ANTXRL: variants seen among roughly 807,000 people sequenced by gnomAD.
ANTXRL encodes the protein anthrax toxin receptor-like.
A neutral mutation model predicts 75.4 loss-of-function variants in ANTXRL; 63 were observed. The observed-to-expected ratio is 0.84, with a 90% CI of 0.68 to 1.03. The LOEUF is 1.03. ANTXRL is among the 50% of genes least tolerant of loss of function. ANTXRL has a pLI of 0.00. For synonymous variants in ANTXRL, 335 were observed against 291.3 expected, an observed-to-expected ratio of 1.15 and a Z score of -1.53; for missense variants, 797 against 789.4, an observed-to-expected ratio of 1.01 and a Z score of -0.12.
Position 46,329,711 on chromosome 10 carries a change from G to A in ANTXRL, c.1523G>A (p.Cys508Tyr), listed in dbSNP as rs1228513206. ...QECLSLPQAP[C>Y]SPRMCLRHSR... is the part of the protein sequence containing the mutation. ...TGCCTTTCCCTACCACAGGCTCCCT[G>A]CAGCCCAAGGATGTGCCTGAGACAC... The change falls in exon 17 of 17, where the codon TGC becomes TAC. Residue 508 changes from cysteine (C) to tyrosine (Y), a missense_variant. Cys to Tyr is a radical substitution (Grantham distance 194). Coordinates refer to ENST00000620264, the MANE Select transcript of ANTXRL (RefSeq NM_001278688.3). 97 of 1,535,202 alleles carry A rather than the reference G, an allele frequency of 6.3e-5. No individual in the cohort carries two copies. Among genetic ancestry groups the A allele is most frequent in the Non-Finnish European group, 7.7e-5 (88 of 1,146,752 alleles).
chr10:46,295,331 C>G lies in ANTXRL; in HGVS notation c.393-688C>G, dbSNP rs547169325. 1.2e-4 allele frequency among the ~76,000 whole-genome samples: 19 copies of G among 152,274 alleles called. No individual in the cohort carries two copies. The South Asian group carries it at 3.7e-3, about 30-fold the overall frequency. On this transcript the variant is annotated intron_variant, in intron 3 of 16. Transcript: ENST00000620264. ...CCCTACCTGTTAAAGGACGGAGTGC[C>G]CAACACAACAGCGTCCTTGTTAGGG...
At position 46,295,937 on chromosome 10, in the gene ANTXRL, C is replaced by T. The variant is rs1231808559; in HGVS notation, c.393-82C>T. The stretch of plus-strand genomic sequence containing the variant: ...CATCCAGGAGGACTGGCGCAAAGAA[C>T]AGTGGCTCCCGGAGAGCTTGGGAGC... On this transcript the variant is annotated intron_variant, in intron 3 of 16. Coordinates refer to ENST00000620264, the MANE Select transcript of ANTXRL (RefSeq NM_001278688.3). 7.0e-6 allele frequency: 8 copies of T among 1,150,208 alleles called. No individual in the cohort carries two copies. The East Asian group carries it at 1.8e-4, about 26-fold the overall frequency. 71.3% of individuals were successfully genotyped at this position (1,150,208 alleles called of 1,614,324 possible). A position where few individuals can be genotyped will look rare whatever the true frequency, so the allele number is the denominator to read the frequency against.
At chr10:46,324,399 T>A (rs978816672) in intron 16 of ANTXRL, among the ~76,000 whole-genome samples, 1 of 152,166 alleles carries the variant, frequency 6.6e-6, no homozygotes, top group Non-Finnish European at 1.5e-5. Flanking sequence ...TAATAAAGTA[T>A]TTGAATTTTG....
rs530704389 is a variant in ANTXRL at position 46,296,419 on chromosome 10, G to A, written c.508+167G>A. ...GTCCCTCCCTGGTGCAATGAGCATA[G>A]TAAGCCCTCACCCCATGGAGTTCTG... On this transcript the variant is annotated intron_variant, in intron 5 of 16. Coordinates refer to ENST00000620264, the MANE Select transcript of ANTXRL (RefSeq NM_001278688.3). Among the ~76,000 whole-genome samples the A allele has an allele frequency of 5.1e-4, 78 of 152,244 alleles. No homozygotes were observed. In the Middle Eastern group the frequency reaches 0.01, roughly 20 times the overall value.
intron 10 of ANTXRL, among the ~76,000 whole-genome samples, chr10:46,304,151 A>C (rs1276532952): frequency 6.6e-6 from 1 of 152,120 alleles, no homozygotes; most frequent in Non-Finnish European, 1.5e-5. Context: ...TTTCTAAGGA[A>C]AGCTAATGCT....
rs146496457 is a variant in ANTXRL, at chr10:46,302,583, G to C, written c.797-139G>C. The C allele has an allele frequency of 4.7e-5, 30 of 639,990 alleles. No homozygotes were observed. In the African/African-American group the frequency reaches 5.3e-4, roughly 11 times the overall value. 39.6% of individuals were successfully genotyped at this position (639,990 alleles called of 1,614,324 possible). On this transcript the variant is annotated intron_variant, in intron 9 of 16. Transcript: ENST00000620264. ...GATTTGACCTAGTGGACACATAGAT[G>C]TTGGTTCAGACACAGCTCTTTCCTT...
chr10:46,314,105 C>A (rs1269901974), intron 16 of ANTXRL, among the ~76,000 whole-genome samples: 2 of 152,186 alleles, frequency 1.3e-5, no homozygotes, highest in African/African-American at 4.8e-5. Context: ...GCCAGACCTC[C>A]TGCATCAGGC....
At position 46,287,023 on chromosome 10, in the gene ANTXRL, TGGGGGA is replaced by T. The variant is rs1223914053; in HGVS notation, c.-239_-234del. On this transcript the variant is annotated 5_prime_UTR_variant, in exon 1 of 17. Transcript: ENST00000620264. ...ATAACAGAGAATTCTGTCCCCAGGG[TGGGGGA>T]AGGGCCAGGCAGGTAGCTGGAAGCA... 8 of 572,256 alleles carry T rather than the reference TGGGGGA, an allele frequency of 1.4e-5. No individual in the cohort carries two copies. Among genetic ancestry groups the T allele is most frequent in the Non-Finnish European group, 2.2e-5 (7 of 325,152 alleles). 35.4% of individuals were successfully genotyped at this position (572,256 alleles called of 1,614,324 possible). A position where few individuals can be genotyped will look rare whatever the true frequency, so the allele number is the denominator to read the frequency against.
At chr10:46,315,593 C>T (rs1554964519) in intron 16 of ANTXRL, among the ~76,000 whole-genome samples, 2 of 152,202 alleles carry the variant, frequency 1.3e-5, no homozygotes, top group African/African-American at 4.8e-5. Flanking sequence ...TTTCTCCACC[C>T]ATGCCCGGCC....
chr10:46,328,235 C>T (rs191867879), intron 16 of ANTXRL, among the ~76,000 whole-genome samples: 1 of 152,128 alleles, frequency 6.6e-6, no homozygotes, highest in Non-Finnish European at 1.5e-5. Context: ...GTTCACTGGG[C>T]AGACAAGGTT....
At chr10:46,324,221 A>T (rs59603661) in intron 16 of ANTXRL, among the ~76,000 whole-genome samples, 6,010 of 152,172 alleles carry the variant, frequency 0.039, 380 homozygotes, top group African/African-American at 0.14. Context: ...CTGTAGGGTT[A>T]TTAAGTACTG....
intron 10 of ANTXRL, among the ~76,000 whole-genome samples, chr10:46,305,415 T>G (rs1554961631): frequency 6.6e-6 from 1 of 152,192 alleles, no homozygotes; most frequent in East Asian, 1.9e-4. Flanking sequence ...ATGTGCATAT[T>G]TAGGGAGGTG....
chr10:46,325,299 C>T (rs1839161831), intron 16 of ANTXRL, among the ~76,000 whole-genome samples: 1 of 152,094 alleles, frequency 6.6e-6, no homozygotes. Flanking sequence ...TCCCAGTGTC[C>T]TGGGTGTTTG....
chr10:46,293,429 T>G, intron 2 of ANTXRL, among the ~76,000 whole-genome samples: 1 of 148,216 alleles, frequency 6.7e-6, no homozygotes, highest in Non-Finnish European at 1.5e-5. Context: ...GGTGTGTGCG[T>G]GTATGGGTGC....
At position 46,329,698 on chromosome 10, in the gene ANTXRL, C is replaced by T. The variant is rs561570175; in HGVS notation, c.1510C>T (p.Pro504Ser). ...ACACAGCCAGGAGTGCCTTTCCCTACCACAGGCTCCCTGCAGCCCAAGGAT... is the reference window on the plus strand; with the variant it reads ...ACACAGCCAGGAGTGCCTTTCCCTATCACAGGCTCCCTGCAGCCCAAGGAT... ...FPHSQECLSLPQAPCSPRMCL... is the reference protein window; with the variant it reads ...FPHSQECLSLSQAPCSPRMCL... The change falls in exon 17 of 17, where the codon CCA becomes TCA. Residue 504 changes from proline (P) to serine (S), a missense_variant. Pro to Ser is a moderately conservative substitution (Grantham distance 74). Around this residue, in one of 3 missense-constraint regions of ANTXRL, gnomAD observed 479 missense variants for 422.0 expected, o/e 1.14. Coordinates refer to ENST00000620264, the MANE Select transcript of ANTXRL (RefSeq NM_001278688.3). 12 of 1,535,892 alleles carry T rather than the reference C, an allele frequency of 7.8e-6. No homozygotes were observed. The East Asian group carries it at 2.0e-4, about 25-fold the overall frequency.
At chr10:46,320,813 A>G (rs1307881058) in intron 16 of ANTXRL, among the ~76,000 whole-genome samples, 1 of 152,186 alleles carries the variant, frequency 6.6e-6, no homozygotes, top group Non-Finnish European at 1.5e-5. Flanking sequence ...TTGTAAAGGT[A>G]TATAACCACA....
In ANTXRL at chr10:46,309,866, G is replaced by A. The variant is rs77751004; in HGVS notation, c.1135-595G>A. 3.9e-3 allele frequency among the ~76,000 whole-genome samples: 596 copies of A among 152,240 alleles called. 3 individuals are homozygous for A. Among genetic ancestry groups the A allele is most frequent in the African/African-American group, 0.014 (580 of 41,494 alleles). ...GAGTGGGAAGGGCTCCCTGTAAGGC[G>A]GAGCAGGACCCAAAAGCAGAGATGG... On this transcript the variant is annotated intron_variant, in intron 13 of 16. Transcript: ENST00000620264.
At chr10:46,307,278 G>A in intron 11 of ANTXRL, 124 bp from the exon 12 acceptor site, 1 of 735,078 alleles carries the variant, frequency 1.4e-6, no homozygotes. Flanking sequence ...CTTACCCTTT[G>A]GTCATCATTG....
intron 9 of ANTXRL, among the ~76,000 whole-genome samples, chr10:46,301,991 A>T (rs782200324): frequency 7.2e-5 from 11 of 152,186 alleles, no homozygotes; most frequent in Non-Finnish European, 1.2e-4. Flanking sequence ...GGGTCAGGGC[A>T]GGAGCTACAG....
Sources: gnomAD v4.1 joint callset for allele counts (sites outside exome capture counted in the v4.1 genomes callset) on GRCh38, gnomAD v4.1.1 for gene constraint, gnomAD v4.1.1 regional missense constraint, MANE v1.5 for transcripts, NCBI Gene and HGNC (gene_info 2026-07-23, HGNC 2026-07-21) for gene names.